The following CLSTN2 variants were observed in gnomAD, a reference collection of about 807,000 sequenced individuals.
CLSTN2 encodes the protein calsyntenin 2.
A neutral mutation model predicts 101.2 loss-of-function variants in CLSTN2; 48 were observed. That is an observed-to-expected ratio of 0.47 (90% CI 0.38 to 0.60). CLSTN2 has a LOEUF of 0.60. Among genes scored for constraint, CLSTN2 ranks in the 20% least tolerant of loss-of-function variants. CLSTN2 has a pLI of 0.00. For missense variants in CLSTN2, 1,160 were observed against 1,238.2 expected, an observed-to-expected ratio of 0.94 and a Z score of 0.95; for synonymous variants, 481 against 463.6, an observed-to-expected ratio of 1.04 and a Z score of -0.48.
intron 7 of CLSTN2, chr3:140,461,067 T>C (rs542196735): frequency 6.6e-5 from 10 of 152,308 alleles, no homozygotes; most frequent in African/African-American, 1.9e-4. Context: ...AGTAATTTAT[T>C]TGATGTTGTT....
At chr3:140,178,074 T>C (rs531212446) in intron 2 of CLSTN2, among the ~76,000 whole-genome samples, 17 of 152,282 alleles carry the variant, frequency 1.1e-4, no homozygotes, top group Admixed American at 7.2e-4. Context: ...CATGAAGTCA[T>C]TGCAGTGTCC....
In CLSTN2 at chr3:140,493,860, C is replaced by G. The variant is rs1422402793; in HGVS notation, c.1344+27129C>G. ...TAACCGGTCTCTCTAAAAACCTACT[C>G]TTACTAGGGCATATCTTGATGCCAA... is the stretch of plus-strand genomic sequence containing the variant. On this transcript the variant is annotated intron_variant, in intron 8 of 16. Transcript: ENST00000458420. 2.6e-5 allele frequency among the ~76,000 whole-genome samples: 4 copies of G among 152,220 alleles called. No homozygotes were observed. In the East Asian group the frequency reaches 7.7e-4, roughly 29 times the overall value.
chr3:140,358,562 A>C (rs905968024), intron 2 of CLSTN2, among the ~76,000 whole-genome samples: 1 of 152,172 alleles, frequency 6.6e-6, no homozygotes, highest in Non-Finnish European at 1.5e-5. Context: ...ATTAGAGACC[A>C]TGACCCTTTC....
chr3:139,977,932 C>T (rs912095182), intron 1 of CLSTN2, among the ~76,000 whole-genome samples: 1 of 152,140 alleles, frequency 6.6e-6, no homozygotes, highest in Admixed American at 6.5e-5. Context: ...CTTTGCTGGC[C>T]TGTTTCTGTG....
intron 2 of CLSTN2, among the ~76,000 whole-genome samples, chr3:140,279,093 G>A (rs1208410377): frequency 6.6e-6 from 1 of 152,186 alleles, no homozygotes; most frequent in Admixed American, 6.5e-5. Context: ...GAATCATGCA[G>A]CAAGTATATT....
intron 1 of CLSTN2, among the ~76,000 whole-genome samples, chr3:139,940,197 G>T (rs759361083): frequency 6.6e-6 from 1 of 152,170 alleles, no homozygotes; most frequent in Non-Finnish European, 1.5e-5. Flanking sequence ...GATTTGCTTG[G>T]TGAACACACC....
At chr3:140,144,281 G>A (rs542362594) in intron 1 of CLSTN2, among the ~76,000 whole-genome samples, 56 of 152,270 alleles carry the variant, frequency 3.7e-4, no homozygotes, top group African/African-American at 1.3e-3. Context: ...AGTCCCCCTA[G>A]AAGATTGCAG....
intron 2 of CLSTN2, among the ~76,000 whole-genome samples, chr3:140,221,659 A>T (rs1315845578): frequency 6.6e-6 from 1 of 152,246 alleles, no homozygotes; most frequent in Non-Finnish European, 1.5e-5. Context: ...AATCTGACTT[A>T]AAAATGGGCA....
chr3:140,236,861 GTGTA>G (rs34438265), intron 2 of CLSTN2, among the ~76,000 whole-genome samples: 17,655 of 118,024 alleles, frequency 0.15, 1,311 homozygotes, highest in African/African-American at 0.24. Context: ...GTGTGTGTGT[GTGTA>G]TATAAATTTC....
intron 10 of CLSTN2, among the ~76,000 whole-genome samples, chr3:140,547,092 A>G (rs1338211145): frequency 1.3e-5 from 2 of 152,256 alleles, no homozygotes; most frequent in Admixed American, 1.3e-4. Context: ...AATACAAATT[A>G]AAAAGGAAAG....
At chr3:140,441,938 G>A (rs371919475) in intron 5 of CLSTN2, among the ~76,000 whole-genome samples, 3 of 152,170 alleles carry the variant, frequency 2.0e-5, no homozygotes, top group East Asian at 3.9e-4. Context: ...TGTACACTCA[G>A]AAGCGGAAGT....
intron 2 of CLSTN2, among the ~76,000 whole-genome samples, chr3:140,269,383 A>G (rs2086721606): frequency 2.6e-5 from 4 of 152,210 alleles, no homozygotes; most frequent in African/African-American, 9.6e-5. Context: ...TTAATGTTTC[A>G]TTTCACCTTT....
chr3:140,290,795 C>A lies in CLSTN2; in HGVS notation c.233-112834C>A, dbSNP rs73867123. On this transcript the variant is annotated intron_variant, in intron 2 of 16. Coordinates refer to ENST00000458420, the MANE Select transcript of CLSTN2 (RefSeq NM_022131.3). Reference sequence around the variant, plus strand: ...GCTACTCCTCTATCTGATGACCCAACGCCATGCTTTGTGAAAATAGAAGCT... The same window carrying A: ...GCTACTCCTCTATCTGATGACCCAAAGCCATGCTTTGTGAAAATAGAAGCT... Among the ~76,000 whole-genome samples the A allele has an allele frequency of 1.8e-3, 271 of 152,300 alleles. 1 individual carries two copies. The highest frequency in any genetic ancestry group is 6.3e-3 in the African/African-American group (260 of 41,572).
intron 2 of CLSTN2, among the ~76,000 whole-genome samples, chr3:140,188,859 T>C (rs1164628477): frequency 2.6e-5 from 4 of 152,136 alleles, no homozygotes; most frequent in African/African-American, 9.7e-5. Context: ...TCGATATTAC[T>C]ACAGACAAGA....
At chr3:140,363,670 G>A (rs1052428746) in intron 2 of CLSTN2, among the ~76,000 whole-genome samples, 1 of 152,154 alleles carries the variant, frequency 6.6e-6, no homozygotes, top group Non-Finnish European at 1.5e-5. Context: ...CCCAAGCCGG[G>A]TTCCTTCCCA....
intron 2 of CLSTN2, among the ~76,000 whole-genome samples, chr3:140,379,362 C>T (rs189530447): frequency 4.6e-5 from 7 of 152,272 alleles, no homozygotes; most frequent in East Asian, 1.9e-4. Context: ...TCACAGTCAT[C>T]GTGGAGGTTG....
In CLSTN2 at chr3:140,558,864, G is replaced by A. The variant is rs763694487; in HGVS notation, c.2041+7G>A. On this transcript the variant is annotated splice_region_variant and intron_variant, in intron 12 of 16. Transcript: ENST00000458420. ...GGGGACGTGAAAACCACAGGTACAGGTGCATTTGAGTTTGTGGGGAGGGTG... is the reference window on the plus strand; with the variant it reads ...GGGGACGTGAAAACCACAGGTACAGATGCATTTGAGTTTGTGGGGAGGGTG... 6.2e-7 allele frequency: 1 copy of A among 1,611,420 alleles called. No homozygotes were observed. Among genetic ancestry groups the A allele is most frequent in the Non-Finnish European group, 8.5e-7 (1 of 1,178,796 alleles).
intron 2 of CLSTN2, among the ~76,000 whole-genome samples, chr3:140,386,176 GTTAT>G (rs764658478): frequency 6.6e-6 from 1 of 152,194 alleles, no homozygotes; most frequent in Non-Finnish European, 1.5e-5. Flanking sequence ...AGTATAATCT[GTTAT>G]TACTCCCATC....
At chr3:140,136,256 TA>T (rs1418119775) in intron 1 of CLSTN2, among the ~76,000 whole-genome samples, 1 of 152,204 alleles carries the variant, frequency 6.6e-6, no homozygotes, top group Non-Finnish European at 1.5e-5. Flanking sequence ...TAGCTGGCAC[TA>T]ATGTGGTTTT....
Sources: allele counts gnomAD v4.1 joint callset (sites outside exome capture counted in the v4.1 genomes callset), GRCh38; gene constraint gnomAD v4.1.1; transcripts MANE v1.5; gene names NCBI Gene and HGNC (gene_info 2026-07-23, HGNC 2026-07-21).